The following NAA40 variants were observed in gnomAD, a reference collection of about 807,000 sequenced individuals.
NAA40 encodes the protein N-alpha-acetyltransferase 40.
A neutral mutation model predicts 36.6 loss-of-function variants in NAA40; 26 were observed. The ratio of observed to expected loss-of-function variants is 0.71; its 90% CI spans 0.52 to 0.98. The LOEUF is 0.98. Ranked by LOEUF, NAA40 falls within the 50% of genes least tolerant of loss-of-function variation. The pLI is 0.00. For synonymous variants in NAA40, 129 were observed against 108.4 expected (o/e 1.19, Z -1.18); for missense variants, 237 against 306.5 (o/e 0.77, Z 1.69).
chr11:63,953,327 G>GAGC (rs1942312360), intron 6 of NAA40, among the ~76,000 whole-genome samples: 1 of 151,938 alleles, frequency 6.6e-6, no homozygotes, highest in Non-Finnish European at 1.5e-5. Context: ...TTACAGGCAT[G>GAGC]AGCCACCACA....
intron 3 of NAA40, among the ~76,000 whole-genome samples, chr11:63,948,842 C>G (rs1043356204): frequency 6.6e-6 from 1 of 152,070 alleles, no homozygotes; most frequent in Non-Finnish European, 1.5e-5. Context: ...CCAGCTGACC[C>G]TGAACAAATT....
intron 1 of NAA40, among the ~76,000 whole-genome samples, chr11:63,945,037 G>A (rs1028843531): frequency 1.3e-5 from 2 of 152,134 alleles, no homozygotes; most frequent in African/African-American, 2.4e-5. Flanking sequence ...AGAATCTCAC[G>A]TCGGCCTCAA....
intron 6 of NAA40, among the ~76,000 whole-genome samples, chr11:63,953,343 C>A (rs943642112): frequency 2.6e-5 from 4 of 152,178 alleles, no homozygotes; most frequent in African/African-American, 9.7e-5. Context: ...CCACACCTGG[C>A]CAGTGAGCAT....
intron 1 of NAA40, among the ~76,000 whole-genome samples, chr11:63,940,527 G>A (rs558850282): frequency 2.0e-5 from 3 of 152,236 alleles, no homozygotes; most frequent in Admixed American, 1.3e-4. Context: ...CTCCCCCTTA[G>A]GGTAGTAGTG....
At chr11:63,952,214 G>A (rs367931844) in intron 3 of NAA40, 24 bp from the exon 4 acceptor site, 31 of 1,572,108 alleles carry the variant, frequency 2.0e-5, no homozygotes, top group African/African-American at 1.2e-4. Context: ...AACCAATTCC[G>A]TACACGTCCT....
chr11:63,942,583 A>T (rs943810281), intron 1 of NAA40, among the ~76,000 whole-genome samples: 1 of 152,218 alleles, frequency 6.6e-6, no homozygotes, highest in Non-Finnish European at 1.5e-5. Context: ...TGGAAAAGAC[A>T]CTTAACCACA....
intron 1 of NAA40, among the ~76,000 whole-genome samples, chr11:63,942,278 C>G (rs1942120776): frequency 6.6e-6 from 1 of 152,200 alleles, no homozygotes; most frequent in South Asian, 2.1e-4. Context: ...AAGAAGTAGT[C>G]ACACCTACCA....
intron 1 of NAA40, among the ~76,000 whole-genome samples, chr11:63,944,175 T>C (rs1184542066): frequency 6.6e-6 from 1 of 152,174 alleles, no homozygotes; most frequent in Non-Finnish European, 1.5e-5. Flanking sequence ...TGGAAAATAG[T>C]GGGTAGAACT....
chr11:63,951,452 T>C (rs1446198992), intron 3 of NAA40, among the ~76,000 whole-genome samples: 1 of 152,158 alleles, frequency 6.6e-6, no homozygotes, highest in Non-Finnish European at 1.5e-5. Flanking sequence ...CAAGCGATTC[T>C]CCTGCCTCAG....
intron 2 of NAA40, 165 bp downstream of exon 2, chr11:63,946,100 G>A: frequency 1.6e-6 from 1 of 633,116 alleles, no homozygotes; most frequent in East Asian, 2.8e-5. Flanking sequence ...TGTGTTGGAA[G>A]TTGGCGCCAG....
At position 63,956,229 on chromosome 11, in the gene NAA40, C is replaced by A. The variant is rs1267308626; in HGVS notation, c.*1750C>A. The A allele has an allele frequency of 2.0e-5, 3 of 152,692 alleles. No homozygotes were observed. Among genetic ancestry groups the A allele is most frequent in the South Asian group, 2.1e-4 (1 of 4,826 alleles). 9.5% of individuals were successfully genotyped at this position (152,692 alleles called of 1,614,324 possible). A position where few individuals can be genotyped will look rare whatever the true frequency, so the allele number is the denominator to read the frequency against. On this transcript the variant is annotated 3_prime_UTR_variant, in exon 8 of 8. Coordinates refer to ENST00000377793, the MANE Select transcript of NAA40 (RefSeq NM_024771.4). ...TGCTGGCTCCTGGTGGGTTTCATCC[C>A]AGGCAGAGTTGACATTGCTGGAGGG... is the stretch of plus-strand genomic sequence containing the variant.
chr11:63,946,912 C>T, intron 2 of NAA40, 39 bp from the exon 3 acceptor site: 3 of 1,612,556 alleles, frequency 1.9e-6, no homozygotes, highest in Non-Finnish European at 2.5e-6. Context: ...ACCTCCGCCC[C>T]ACTTGTCTGT....
At chr11:63,939,957 G>T (rs1316379307) in intron 1 of NAA40, among the ~76,000 whole-genome samples, 1 of 151,482 alleles carries the variant, frequency 6.6e-6, no homozygotes, top group Non-Finnish European at 1.5e-5. Flanking sequence ...AAGTTTCTGT[G>T]CGTTCACCTT....
chr11:63,942,035 G>T (rs1277791798), intron 1 of NAA40, among the ~76,000 whole-genome samples: 1 of 152,210 alleles, frequency 6.6e-6, no homozygotes, highest in East Asian at 1.9e-4. Flanking sequence ...GAAGGAGCAT[G>T]ACTTTAGGGT....
intron 1 of NAA40, among the ~76,000 whole-genome samples, chr11:63,941,745 G>C (rs541371905): frequency 6.6e-6 from 1 of 151,996 alleles, no homozygotes; most frequent in African/African-American, 2.4e-5. Flanking sequence ...GTAGAGACGG[G>C]GTTTCACCAT....
chr11:63,952,193 A>G (rs371994397), intron 3 of NAA40, 45 bp from the exon 4 acceptor site: 4 of 1,428,598 alleles, frequency 2.8e-6, no homozygotes, highest in Non-Finnish European at 2.9e-6. Flanking sequence ...GTGCCCTGGC[A>G]GGAGTGCTGT....
intron 2 of NAA40, chr11:63,946,214 TC>T: frequency 2.4e-6 from 1 of 409,450 alleles, no homozygotes; most frequent in East Asian, 4.4e-5. Flanking sequence ...AATTTTTTTT[TC>T]TTTTGTGTGA....
chr11:63,942,252 C>T (rs1057362025), intron 1 of NAA40, among the ~76,000 whole-genome samples: 5 of 152,146 alleles, frequency 3.3e-5, no homozygotes, highest in South Asian at 4.1e-4. Flanking sequence ...CTCTCTGTGC[C>T]TCAGGTTTCT....
At position 63,952,504 on chromosome 11, in the gene NAA40, G is replaced by A. The variant is rs144329089; in HGVS notation, c.349G>A (p.Val117Ile). Reference sequence around the variant, plus strand: ...CCTCATCGCGTGGGAAAACAGCTCCGTCCCTGTTGCCTTTTCTCACTTCCG... The same window carrying A: ...CCTCATCGCGTGGGAAAACAGCTCCATCCCTGTTGCCTTTTCTCACTTCCG... ...WYLIAWENSS[V>I]PVAFSHFRFD... Residue 117 changes from valine to isoleucine, a missense_variant, in exon 5 of 8, where the codon GTC becomes ATC. Transcript: ENST00000377793. 89 of 1,614,012 alleles carry A rather than the reference G, an allele frequency of 5.5e-5. No homozygotes were observed. Among genetic ancestry groups the A allele is most frequent in the Non-Finnish European group, 6.7e-5 (79 of 1,180,036 alleles).
Sources: gnomAD v4.1 joint callset for allele counts (sites outside exome capture counted in the v4.1 genomes callset) on GRCh38, gnomAD v4.1.1 for gene constraint, MANE v1.5 for transcripts, NCBI Gene and HGNC (gene_info 2026-07-23, HGNC 2026-07-21) for gene names.